PIEZO2: variants seen among roughly 807,000 people sequenced by gnomAD.
The protein encoded by PIEZO2 is piezo type mechanosensitive ion channel component 2.
In PIEZO2, 172 loss-of-function variants were observed where a neutral mutation model predicts 337.3. The ratio of observed to expected loss-of-function variants is 0.51; its 90% CI spans 0.45 to 0.58. PIEZO2 has a LOEUF of 0.58. PIEZO2 is among the 20% of genes least tolerant of loss of function. The pLI, the probability that PIEZO2 is intolerant of heterozygous loss-of-function variation, is 0.00. For synonymous variants in PIEZO2, 1,251 were observed against 1,228.5 expected, an observed-to-expected ratio of 1.02 and a Z score of -0.38; for missense variants, 3,028 against 3,391.3, an observed-to-expected ratio of 0.89 and a Z score of 2.66.
chr18:11,033,718 A>G lies in PIEZO2; in HGVS notation c.160+32409T>C, dbSNP rs145949145. Among the ~76,000 whole-genome samples, 1 of 152,304 alleles carries G rather than the reference A, an allele frequency of 6.6e-6. No homozygotes were observed. The highest frequency in any genetic ancestry group is 1.5e-5 in the Non-Finnish European group (1 of 68,032). On this transcript the variant is annotated intron_variant, in intron 2 of 55. Coordinates refer to ENST00000674853, the MANE Select transcript of PIEZO2 (RefSeq NM_001378183.1). This position sits in a 1 kb window ranked among gnomAD's most constrained non-coding sequence, Gnocchi z 4.2. ...CATGTGAACCAGTCATACCAAGAGT[A>G]TAAATATTGCTCTCAAAACAGTCGC...
At position 11,078,360 on chromosome 18, in the gene PIEZO2, A is replaced by G. The variant is rs939330945; in HGVS notation, c.65-12138T>C. The stretch of plus-strand genomic sequence containing the variant: ...TCTTGGCAGCATCCGCCTTGGACTG[A>G]GGTGTGCATTAACACGAAAAGAAAT... On this transcript the variant is annotated intron_variant, in intron 1 of 55. Transcript: ENST00000674853. This position sits in a 1 kb window ranked among gnomAD's most constrained non-coding sequence, Gnocchi z 5.3. Among the ~76,000 whole-genome samples, 1 of 152,218 alleles carries G rather than the reference A, an allele frequency of 6.6e-6. No homozygotes were observed. Among genetic ancestry groups the G allele is most frequent in the African/African-American group, 2.4e-5 (1 of 41,456 alleles).
chr18:10,810,110 G>T (rs1266840460), intron 7 of PIEZO2, among the ~76,000 whole-genome samples: 2 of 152,096 alleles, frequency 1.3e-5, no homozygotes, highest in Admixed American at 1.3e-4. Context: ...TAAATGACTC[G>T]ATGTCTGAGC....
At chr18:10,817,380 A>T (rs2040393203) in intron 7 of PIEZO2, among the ~76,000 whole-genome samples, 1 of 152,218 alleles carries the variant, frequency 6.6e-6, no homozygotes, top group Non-Finnish European at 1.5e-5. Context: ...AACTAAGTGA[A>T]CATTAAATAT....
chr18:10,871,977 A>G (rs535447664), intron 4 of PIEZO2, among the ~76,000 whole-genome samples: 10 of 152,338 alleles, frequency 6.6e-5, no homozygotes, highest in Non-Finnish European at 1.5e-4. Context: ...TTTGAGTTCA[A>G]GTCCAAGTCT....
At chr18:10,887,453 A>C (rs2042640269) in intron 4 of PIEZO2, among the ~76,000 whole-genome samples, 1 of 151,996 alleles carries the variant, frequency 6.6e-6, no homozygotes. Flanking sequence ...CAGCCCTATG[A>C]CCCAAACACC....
intron 50 of PIEZO2, 122 bp downstream of exon 50, chr18:10,681,982 C>A: frequency 9.9e-7 from 1 of 1,012,008 alleles, no homozygotes; most frequent in Non-Finnish European, 1.4e-6. Flanking sequence ...CAAGTATTTG[C>A]TGAGCAGTCA....
intron 1 of PIEZO2, 85 bp from the exon 2 acceptor site, chr18:11,066,307 C>A: frequency 2.0e-6 from 2 of 984,844 alleles, no homozygotes; most frequent in South Asian, 1.5e-5. Context: ...AAAAGATGGT[C>A]TCAGATGTCA....
Position 10,846,503 on chromosome 18 carries a change from A to G in PIEZO2, c.917+8850T>C, listed in dbSNP as rs1336815470. Among the ~76,000 whole-genome samples the G allele has an allele frequency of 6.6e-6, 1 of 152,180 alleles. No homozygotes were observed. The highest frequency in any genetic ancestry group is 2.4e-5 in the African/African-American group (1 of 41,450). On this transcript the variant is annotated intron_variant, in intron 7 of 55. Coordinates refer to ENST00000674853, the MANE Select transcript of PIEZO2 (RefSeq NM_001378183.1). This position sits in a 1 kb window ranked among gnomAD's most constrained non-coding sequence, Gnocchi z 4.1. ...AGGGTTTTAGGAAACAGAGAGAGAA[A>G]AGAAGCTTGAACTAAGAGTTCCTGA...
chr18:11,070,023 T>A lies in PIEZO2; in HGVS notation c.65-3801A>T, dbSNP rs2038281706. ...TAATAGAAATTGAAGAAGACACAAA[T>A]ACAGTCATGGACCTCTTAGCATCAG... On this transcript the variant is annotated intron_variant, in intron 1 of 55. Coordinates refer to ENST00000674853, the MANE Select transcript of PIEZO2 (RefSeq NM_001378183.1). This position sits in a 1 kb window ranked among gnomAD's most constrained non-coding sequence, Gnocchi z 4.3. Among the ~76,000 whole-genome samples, 3 of 152,120 alleles carry A rather than the reference T, an allele frequency of 2.0e-5. No homozygotes were observed.
chr18:10,935,455 C>T (rs975754227), intron 3 of PIEZO2, among the ~76,000 whole-genome samples: 7 of 152,104 alleles, frequency 4.6e-5, no homozygotes, highest in African/African-American at 1.7e-4. Flanking sequence ...GAAGAGCTGC[C>T]TAGCAAACAG....
intron 5 of PIEZO2, 32 bp downstream of exon 5, chr18:10,871,221 C>A: frequency 6.6e-7 from 1 of 1,524,908 alleles, no homozygotes; most frequent in African/African-American, 1.4e-5. Flanking sequence ...CCTCAGAAAT[C>A]AAAGAAGGAA....
intron 2 of PIEZO2, among the ~76,000 whole-genome samples, chr18:11,055,931 T>G (rs2625375): frequency 0.65 from 99,019 of 152,062 alleles, 32,856 homozygotes; most frequent in East Asian, 0.98. Context: ...TCGAGCTCCA[T>G]CAGGGACAAA....
At position 10,895,540 on chromosome 18, in the gene PIEZO2, G is replaced by A. The variant is rs1451009319; in HGVS notation, c.329+15646C>T. ...ACCAGAGCCCCCCAGCTGGAACAGA[G>A]TGCCGGGGAATGGTGCCGTTTGTTG... is the stretch of plus-strand genomic sequence containing the variant. On this transcript the variant is annotated intron_variant, in intron 4 of 55. Coordinates refer to ENST00000674853, the MANE Select transcript of PIEZO2 (RefSeq NM_001378183.1). This position sits in a 1 kb window ranked among gnomAD's most constrained non-coding sequence, Gnocchi z 4.8. Among the ~76,000 whole-genome samples the A allele has an allele frequency of 6.6e-6, 1 of 152,194 alleles. No individual in the cohort carries two copies. The highest frequency in any genetic ancestry group is 2.4e-5 in the African/African-American group (1 of 41,452).
At chr18:10,896,882 G>A (rs981877395) in intron 4 of PIEZO2, among the ~76,000 whole-genome samples, 1 of 152,226 alleles carries the variant, frequency 6.6e-6, no homozygotes, top group Non-Finnish European at 1.5e-5. Context: ...GGGGTGAGGT[G>A]TGGTATGCAG....
chr18:11,100,757 G>A (rs2039392836), intron 1 of PIEZO2, among the ~76,000 whole-genome samples: 2 of 152,008 alleles, frequency 1.3e-5, no homozygotes, highest in Non-Finnish European at 1.5e-5. Context: ...CACCACGCCT[G>A]GCTAATTTTT....
At chr18:10,923,135 C>T (rs565949416) in intron 3 of PIEZO2, among the ~76,000 whole-genome samples, 26 of 152,164 alleles carry the variant, frequency 1.7e-4, no homozygotes, top group African/African-American at 5.8e-4. Context: ...TTTCCTGCAC[C>T]GTCTCATAAG....
chr18:10,924,910 A>G (rs1174065268), intron 3 of PIEZO2, among the ~76,000 whole-genome samples: 1 of 152,242 alleles, frequency 6.6e-6, no homozygotes, highest in East Asian at 1.9e-4. Flanking sequence ...AATTAAATAA[A>G]GAAATGCCAT....
chr18:10,691,782 C>CATATATATATATATAT (rs33977962), intron 47 of PIEZO2, among the ~76,000 whole-genome samples: 37 of 96,544 alleles, frequency 3.8e-4, no homozygotes, highest in East Asian at 2.1e-3. Context: ...CACACACACA[C>CATATATATATATATAT]ATATATATAT....
chr18:10,700,919 G>A (rs1019028396), intron 43 of PIEZO2, among the ~76,000 whole-genome samples: 7 of 152,196 alleles, frequency 4.6e-5, no homozygotes, highest in African/African-American at 1.7e-4. Context: ...TCCAAATGGA[G>A]GGTTTGGGTA....
Sources: allele counts gnomAD v4.1 joint callset (sites outside exome capture counted in the v4.1 genomes callset), GRCh38; gene constraint gnomAD v4.1.1; non-coding constraint Gnocchi (gnomAD v3.1); transcripts MANE v1.5; gene names NCBI Gene and HGNC (gene_info 2026-07-23, HGNC 2026-07-21).